Variants in EPG5 observed in about 807,000 individuals in gnomAD.
EPG5 encodes ectopic P-granules 5 autophagy tethering factor.
A neutral mutation model predicts 302.7 loss-of-function variants in EPG5; 159 were observed. That is an observed-to-expected ratio of 0.53 (90% CI 0.46 to 0.60). The LOEUF is 0.60. Among genes scored for constraint, EPG5 ranks in the 20% least tolerant of loss-of-function variants. The probability of loss-of-function intolerance (pLI) is 0.00; values close to 1 mark genes in which losing one functional copy is unlikely to be tolerated. For synonymous variants in EPG5, 1,158 were observed against 1,136.8 expected (o/e 1.02, Z -0.37); for missense variants, 2,896 against 3,092.4 (o/e 0.94, Z 1.51).
At chr18:45,837,762 G>T in the EPG5 span, 1 of 1,519,934 alleles carries the variant, frequency 6.6e-7, no homozygotes, top group East Asian at 2.7e-5. Context: ...GGCAACCCGC[G>T]CCGCAACGAC....
At chr18:45,842,964 C>A (rs553767293), downstream of EPG5, 1 of 152,360 alleles carries the variant, frequency 6.6e-6, no homozygotes, top group Non-Finnish European at 1.5e-5. Context: ...GGGCCTTTAC[C>A]CCATGCCCCC....
At chr18:45,909,359 G>A (rs758378249) in intron 23 of EPG5, among the ~76,000 whole-genome samples, 4 of 152,156 alleles carry the variant, frequency 2.6e-5, no homozygotes, top group Non-Finnish European at 5.9e-5. Flanking sequence ...GCCGTCCACT[G>A]GTTAAGGCTG....
At position 45,967,201 on chromosome 18, in the gene EPG5, G is replaced by C. The variant is rs767542992; in HGVS notation, c.39C>G (p.Ala13=). The part of the protein sequence containing the change: ...EAVKPQRRAK[A]KASRTKTKEK... ...CCTTTGTTTTAGTCCGGCTGGCCTT[G>C]GCCTTGGCCCGGCGCTGGGGCTTCA... The change falls in exon 1 of 44, where the codon GCC becomes GCG. Residue 13 remains alanine (A), a synonymous_variant. Coordinates refer to ENST00000282041, the MANE Select transcript of EPG5 (RefSeq NM_020964.3). The C allele has an allele frequency of 6.2e-7, 1 of 1,605,796 alleles. No individual in the cohort carries two copies. Among genetic ancestry groups the C allele is most frequent in the Non-Finnish European group, 8.5e-7 (1 of 1,176,364 alleles).
intron 11 of EPG5, among the ~76,000 whole-genome samples, chr18:45,933,199 G>A (rs150286226): frequency 5.3e-5 from 8 of 152,266 alleles, no homozygotes; most frequent in Non-Finnish European, 8.8e-5. Context: ...GTCCAACCAC[G>A]GCAATGGTCT....
intron 7 of EPG5, 139 bp from the exon 8 acceptor site, chr18:45,944,258 G>C (rs1213978770): frequency 1.7e-6 from 1 of 581,982 alleles, no homozygotes. Flanking sequence ...CTTTTCTCCA[G>C]GACAGCAATT....
intron 13 of EPG5, among the ~76,000 whole-genome samples, chr18:45,927,800 A>C (rs534088702): frequency 6.6e-6 from 1 of 152,144 alleles, no homozygotes; most frequent in Non-Finnish European, 1.5e-5. Context: ...AAAAATCTAG[A>C]GACAGACATT....
chr18:45,898,910 A>G (rs1022450675), intron 27 of EPG5, among the ~76,000 whole-genome samples: 2 of 152,180 alleles, frequency 1.3e-5, no homozygotes, highest in Non-Finnish European at 2.9e-5. Context: ...GTGGATCACC[A>G]GGTCAGGAGT....
chr18:45,876,412 G>A, intron 34 of EPG5, 70 bp from the exon 35 acceptor site: 4 of 1,320,564 alleles, frequency 3.0e-6, no homozygotes, highest in Non-Finnish European at 4.4e-6. Flanking sequence ...CCAGTGTCTA[G>A]GGCTGGCCTA....
At chr18:45,877,279 C>T (rs2048993723) in intron 34 of EPG5, among the ~76,000 whole-genome samples, 2 of 151,954 alleles carry the variant, frequency 1.3e-5, no homozygotes, top group African/African-American at 4.8e-5. Context: ...AATAGCTGGA[C>T]GTGGTAGCAT....
intron 18 of EPG5, 79 bp from the exon 19 acceptor site, chr18:45,916,285 C>A: frequency 6.6e-7 from 1 of 1,518,312 alleles, no homozygotes; most frequent in Admixed American, 2.0e-5. Flanking sequence ...ATGCTATCTA[C>A]CTCCACTACA....
chr18:45,879,795 G>A (rs560383621), intron 32 of EPG5, among the ~76,000 whole-genome samples: 2 of 152,264 alleles, frequency 1.3e-5, no homozygotes, highest in Admixed American at 6.5e-5. Context: ...ATAGAAACCC[G>A]ACCAGAGGTC....
At chr18:45,810,421 C>T in the EPG5 span, among the ~76,000 whole-genome samples, 1 of 152,134 alleles carries the variant, frequency 6.6e-6, no homozygotes, top group Non-Finnish European at 1.5e-5. Flanking sequence ...AAAAAGAAAA[C>T]TACAGACCAA....
At chr18:45,924,270 G>A (rs776205348) in intron 14 of EPG5, among the ~76,000 whole-genome samples, 24 of 152,138 alleles carry the variant, frequency 1.6e-4, no homozygotes, top group South Asian at 6.2e-4. Flanking sequence ...AGACTCTCAC[G>A]CAGCTCTTCA....
chr18:45,822,317 C>T, the EPG5 span, among the ~76,000 whole-genome samples: 7 of 152,038 alleles, frequency 4.6e-5, no homozygotes, highest in East Asian at 1.9e-4. Flanking sequence ...CATATTCTCA[C>T]TCGTATGCAG....
chr18:45,908,948 CAAA>C (rs200257740), intron 23 of EPG5, among the ~76,000 whole-genome samples: 1 of 114,690 alleles, frequency 8.7e-6, no homozygotes, highest in African/African-American at 3.1e-5. Context: ...GACTCTGCCT[CAAA>C]AAAAAAAAAA....
chr18:45,835,692 A>C, the EPG5 span, among the ~76,000 whole-genome samples: 1 of 152,190 alleles, frequency 6.6e-6, no homozygotes, highest in Admixed American at 6.5e-5. Context: ...ACCATCCAGT[A>C]ACACTTTTAC....
intron 1 of EPG5, 76 bp from the exon 2 acceptor site, chr18:45,955,414 C>A: frequency 1.9e-6 from 2 of 1,040,378 alleles, no homozygotes; most frequent in Non-Finnish European, 1.4e-6. Context: ...TTTAAAGTTG[C>A]ACATAAAATC....
Position 45,923,144 on chromosome 18 carries a change from T to C in EPG5, c.2838+124A>G, listed in dbSNP as rs757364088. Reference sequence around the variant, plus strand: ...CAAACCATAGAAGTCAATTATAACATCTTAAATTGCTAGAAATGTTCTTAG... The same window carrying C: ...CAAACCATAGAAGTCAATTATAACACCTTAAATTGCTAGAAATGTTCTTAG... On this transcript the variant is annotated intron_variant, in intron 15 of 43. Transcript: ENST00000282041. 1.1e-4 allele frequency: 111 copies of C among 1,054,402 alleles called. 1 individual carries two copies. The highest frequency in any genetic ancestry group is 1.5e-4 in the Non-Finnish European group (109 of 742,502). The allele number at this position is 1,054,402 out of a possible 1,614,324, so 65.3% of individuals were successfully genotyped here. A position where few individuals can be genotyped will look rare whatever the true frequency, so the allele number is the denominator to read the frequency against.
chr18:45,959,374 G>C (rs956124188), intron 1 of EPG5, among the ~76,000 whole-genome samples: 4 of 151,952 alleles, frequency 2.6e-5, no homozygotes, highest in African/African-American at 9.7e-5. Flanking sequence ...GGCCAGGCAT[G>C]GGCGGCTCAC....
Sources: gnomAD v4.1 joint callset for allele counts (sites outside exome capture counted in the v4.1 genomes callset) on GRCh38, gnomAD v4.1.1 for gene constraint, MANE v1.5 for transcripts, NCBI Gene and HGNC (gene_info 2026-07-23, HGNC 2026-07-21) for gene names.